PALS2: variants seen among roughly 807,000 people sequenced by gnomAD.
The protein encoded by PALS2 is protein associated with LIN7 2, MAGUK p55 family member, also known as protein PALS2.
PALS2 carries 27 observed loss-of-function variants against 61.6 expected under a neutral mutation model. The observed-to-expected ratio is 0.44, with a 90% CI of 0.32 to 0.60. The LOEUF is 0.60. Ranked by LOEUF, PALS2 falls within the 20% of genes least tolerant of loss-of-function variation. PALS2 has a pLI of 0.05. For synonymous variants in PALS2, 236 were observed against 218.6 expected (o/e 1.08, Z -0.70); for missense variants, 554 against 639.4 (o/e 0.87, Z 1.44).
At chr7:24,624,764 C>A (rs1257891342) in intron 2 of PALS2, among the ~76,000 whole-genome samples, 1 of 151,556 alleles carries the variant, frequency 6.6e-6, no homozygotes, top group Non-Finnish European at 1.5e-5. Context: ...GTGCCACCAC[C>A]CCTGGCTAAT....
chr7:24,588,552 T>C (rs1783161407), intron 1 of PALS2, among the ~76,000 whole-genome samples: 2 of 152,204 alleles, frequency 1.3e-5, no homozygotes, highest in African/African-American at 4.8e-5. Context: ...CCAGATTTTT[T>C]TCATATACTG....
At chr7:24,607,456 ATGTG>A (rs1164270581) in intron 1 of PALS2, among the ~76,000 whole-genome samples, 1 of 150,996 alleles carries the variant, frequency 6.6e-6, no homozygotes, top group East Asian at 1.9e-4. Flanking sequence ...TTGCTAATGT[ATGTG>A]TATCTCTCTC....
chr7:24,587,262 G>A (rs1228163735), intron 1 of PALS2, among the ~76,000 whole-genome samples: 1 of 151,914 alleles, frequency 6.6e-6, no homozygotes, highest in African/African-American at 2.4e-5. Flanking sequence ...GATGAGTGTG[G>A]GTACTGTCAT....
chr7:24,637,487 G>T (rs1262449755), intron 2 of PALS2, among the ~76,000 whole-genome samples: 1 of 151,614 alleles, frequency 6.6e-6, no homozygotes, highest in African/African-American at 2.4e-5. Flanking sequence ...AAAAGAAGAG[G>T]GTGGTGCTTG....
At chr7:24,583,281 A>G (rs1309113257) in intron 1 of PALS2, among the ~76,000 whole-genome samples, 1 of 152,166 alleles carries the variant, frequency 6.6e-6, no homozygotes, top group Non-Finnish European at 1.5e-5. Flanking sequence ...AAAAAATGTA[A>G]GCCCTATTTT....
chr7:24,680,532 A>C lies in PALS2; in HGVS notation c.1446+12A>C. On this transcript the variant is annotated intron_variant, in intron 11 of 11. Transcript: ENST00000222644. ...CCAAGCTTCTGACCGTGAGCTAACC[A>C]TACGATTTTCCTTCTAAAATCTTTC... 6.2e-7 allele frequency: 1 copy of C among 1,604,082 alleles called. No homozygotes were observed. The highest frequency in any genetic ancestry group is 8.5e-7 in the Non-Finnish European group (1 of 1,175,780).
intron 11 of PALS2, among the ~76,000 whole-genome samples, chr7:24,686,434 G>C (rs1416391926): frequency 1.3e-5 from 2 of 152,094 alleles, no homozygotes; most frequent in Admixed American, 6.6e-5. Flanking sequence ...TATCTTGAAC[G>C]TGCCAGGGTC....
At chr7:24,600,624 G>A (rs1783686532) in intron 1 of PALS2, among the ~76,000 whole-genome samples, 1 of 150,902 alleles carries the variant, frequency 6.6e-6, no homozygotes, top group South Asian at 2.1e-4. Context: ...AGTTCATTTT[G>A]TATAAGTTAA....
intron 2 of PALS2, among the ~76,000 whole-genome samples, chr7:24,630,146 C>G (rs893190220): frequency 2.0e-5 from 3 of 152,130 alleles, no homozygotes; most frequent in African/African-American, 7.2e-5. Context: ...AGTATGCGGC[C>G]ATAAAAAATG....
intron 3 of PALS2, among the ~76,000 whole-genome samples, chr7:24,646,904 A>G (rs1208890952): frequency 6.6e-6 from 1 of 151,960 alleles, no homozygotes; most frequent in Non-Finnish European, 1.5e-5. Context: ...CTAGGAATTT[A>G]TCTCTCTTCT....
chr7:24,664,610 A>G (rs1461546902), intron 6 of PALS2, among the ~76,000 whole-genome samples: 1 of 152,184 alleles, frequency 6.6e-6, no homozygotes, highest in Non-Finnish European at 1.5e-5. Flanking sequence ...AACAAATCAC[A>G]GAATGAGAAC....
chr7:24,644,563 G>C (rs12537810), intron 3 of PALS2, among the ~76,000 whole-genome samples: 1 of 151,922 alleles, frequency 6.6e-6, no homozygotes, highest in Admixed American at 6.6e-5. Flanking sequence ...CAGGCATTTA[G>C]GTTGATTTGT....
chr7:24,585,886 A>G lies in PALS2; in HGVS notation c.-3+12293A>G, dbSNP rs867884497. On this transcript the variant is annotated intron_variant, in intron 1 of 11. Transcript: ENST00000222644. ...GTTATCTCTTCTAAGAGTGTGCACC[A>G]CTAATATCTTCTACTCCTACTCTGC... 5.3e-5 allele frequency among the ~76,000 whole-genome samples: 8 copies of G among 152,070 alleles called. No individual in the cohort carries two copies. In the Middle Eastern group the frequency reaches 0.01, roughly 194 times the overall value.
intron 2 of PALS2, among the ~76,000 whole-genome samples, chr7:24,625,592 G>T (rs990871645): frequency 2.6e-5 from 4 of 152,076 alleles, no homozygotes; most frequent in Non-Finnish European, 5.9e-5. Flanking sequence ...CGGGTGATGG[G>T]GTATGTGTAT....
At chr7:24,676,075 A>G (rs1296851804) in intron 9 of PALS2, among the ~76,000 whole-genome samples, 2 of 148,634 alleles carry the variant, frequency 1.3e-5, no homozygotes, top group East Asian at 2.0e-4. Flanking sequence ...CTTTTTAATG[A>G]TTGCCATTCT....
chr7:24,610,308 T>C (rs976978177), intron 1 of PALS2, among the ~76,000 whole-genome samples: 6 of 152,180 alleles, frequency 3.9e-5, no homozygotes, highest in African/African-American at 1.4e-4. Flanking sequence ...CTGTGCTGTA[T>C]CACCTTTTTC....
chr7:24,654,601 G>C (rs1786322876), intron 5 of PALS2, among the ~76,000 whole-genome samples: 1 of 152,066 alleles, frequency 6.6e-6, no homozygotes, highest in African/African-American at 2.4e-5. Context: ...ATTATGAAGA[G>C]GATCTAAATA....
In PALS2 at chr7:24,666,206, C is replaced by G. The variant is rs1437313588; in HGVS notation, c.952+117C>G. Reference sequence around the variant, plus strand: ...TGTAATTCAGATTAGTACCTAGTTGCAAGGGGCTGACATATGAACACATGG... The same window carrying G: ...TGTAATTCAGATTAGTACCTAGTTGGAAGGGGCTGACATATGAACACATGG... On this transcript the variant is annotated intron_variant, in intron 8 of 11. Coordinates refer to ENST00000222644, the MANE Select transcript of PALS2 (RefSeq NM_001303037.2). 4.0e-5 allele frequency: 34 copies of G among 850,950 alleles called. 1 individual carries two copies. The Admixed American group carries it at 6.7e-4, about 17-fold the overall frequency. The allele number at this position is 850,950 out of a possible 1,614,324, so 52.7% of individuals were successfully genotyped here. A position where few individuals can be genotyped will look rare whatever the true frequency, so the allele number is the denominator to read the frequency against.
intron 11 of PALS2, among the ~76,000 whole-genome samples, chr7:24,684,013 ACC>A: frequency 6.6e-6 from 1 of 152,238 alleles, no homozygotes; most frequent in African/African-American, 2.4e-5. Flanking sequence ...CAACATAACC[ACC>A]ACTAGTATCA....
Sources: allele counts gnomAD v4.1 joint callset (sites outside exome capture counted in the v4.1 genomes callset), GRCh38; gene constraint gnomAD v4.1.1; transcripts MANE v1.5; gene names NCBI Gene and HGNC (gene_info 2026-07-23, HGNC 2026-07-21).